Variants in PLCXD3 observed in about 807,000 individuals in gnomAD.
PLCXD3 encodes phosphatidylinositol specific phospholipase C X domain containing 3.
PLCXD3 carries 19 observed loss-of-function variants against 25.5 expected under a neutral mutation model. That is an observed-to-expected ratio of 0.75 (90% confidence interval 0.52 to 1.09). The LOEUF is 1.09. PLCXD3 is among the 50% of genes least tolerant of loss of function. The pLI is 0.00. For missense variants in PLCXD3, 411 were observed against 388.1 expected (o/e 1.06, Z -0.50); for synonymous variants, 174 against 137.6 (o/e 1.26, Z -1.85).
chr5:41,467,642 G>A (rs898929477), intron 1 of PLCXD3, among the ~76,000 whole-genome samples: 13 of 152,100 alleles, frequency 8.5e-5, no homozygotes, highest in Non-Finnish European at 1.8e-4. Context: ...TTAAATCAAT[G>A]TCATGAATAT....
chr5:41,392,218 G>A (rs1352719926), intron 1 of PLCXD3, among the ~76,000 whole-genome samples: 1 of 152,156 alleles, frequency 6.6e-6, no homozygotes, highest in Non-Finnish European at 1.5e-5. Context: ...TAGCCAAGGA[G>A]TGGTTACAGC....
chr5:41,447,083 C>T (rs888001027), intron 1 of PLCXD3, among the ~76,000 whole-genome samples: 1 of 152,224 alleles, frequency 6.6e-6, no homozygotes, highest in Admixed American at 6.5e-5. Context: ...GGTCAGAAAG[C>T]GTCATGAAGG....
chr5:41,484,843 G>A (rs1292244874), intron 1 of PLCXD3, among the ~76,000 whole-genome samples: 1 of 152,152 alleles, frequency 6.6e-6, no homozygotes, highest in Admixed American at 6.5e-5. Flanking sequence ...GTGCTAAATT[G>A]AGATTTGTTC....
intron 1 of PLCXD3, among the ~76,000 whole-genome samples, chr5:41,468,522 C>T (rs1431339476): frequency 1.3e-5 from 2 of 152,124 alleles, no homozygotes; most frequent in African/African-American, 4.8e-5. Context: ...GAGATCTCTT[C>T]ATTTATCTTT....
Position 41,314,390 on chromosome 5 carries a change from C to A in PLCXD3, c.813-620G>T, listed in dbSNP as rs1007104369. Among the ~76,000 whole-genome samples, 5 of 152,214 alleles carry A rather than the reference C, an allele frequency of 3.3e-5. No homozygotes were observed. The East Asian group carries it at 9.6e-4, about 29-fold the overall frequency. ...AAGTGAACAAAACAGATAAAAATATCTTTCCCTGTGGAGCTTACATTCTCA... is the reference window on the plus strand; with the variant it reads ...AAGTGAACAAAACAGATAAAAATATATTTCCCTGTGGAGCTTACATTCTCA... On this transcript the variant is annotated intron_variant, in intron 2 of 2. Coordinates refer to ENST00000377801, the MANE Select transcript of PLCXD3 (RefSeq NM_001005473.3).
At chr5:41,470,176 T>A (rs1748119030) in intron 1 of PLCXD3, among the ~76,000 whole-genome samples, 1 of 151,770 alleles carries the variant, frequency 6.6e-6, no homozygotes. Context: ...CAAAGGGGGG[T>A]GGCAGTTAAA....
intron 1 of PLCXD3, among the ~76,000 whole-genome samples, chr5:41,409,598 G>A (rs1350067408): frequency 6.6e-6 from 1 of 152,070 alleles, no homozygotes; most frequent in Non-Finnish European, 1.5e-5. Context: ...CTAGCTTCAA[G>A]TTTCATTTTA....
intron 1 of PLCXD3, among the ~76,000 whole-genome samples, chr5:41,430,974 T>C (rs1271915681): frequency 6.6e-6 from 1 of 152,190 alleles, no homozygotes; most frequent in Non-Finnish European, 1.5e-5. Context: ...AGCTGACCAA[T>C]TGGTCATCCT....
intron 2 of PLCXD3, among the ~76,000 whole-genome samples, chr5:41,322,877 G>A (rs1743516323): frequency 6.6e-6 from 1 of 152,002 alleles, no homozygotes; most frequent in South Asian, 2.1e-4. Flanking sequence ...AGGAGGCTGA[G>A]TCAGGGGAAT....
At chr5:41,472,149 T>C (rs1364470881) in intron 1 of PLCXD3, among the ~76,000 whole-genome samples, 1 of 151,692 alleles carries the variant, frequency 6.6e-6, no homozygotes, top group Non-Finnish European at 1.5e-5. Flanking sequence ...ATGTAATGAG[T>C]TCACAATTTA....
At position 41,393,827 on chromosome 5, in the gene PLCXD3, T is replaced by A. The variant is rs574548339; in HGVS notation, c.104-11293A>T. 4.6e-5 allele frequency among the ~76,000 whole-genome samples: 7 copies of A among 151,916 alleles called. No individual in the cohort carries two copies. In the South Asian group the frequency reaches 1.2e-3, roughly 27 times the overall value. On this transcript the variant is annotated intron_variant, in intron 1 of 2. Coordinates refer to ENST00000377801, the MANE Select transcript of PLCXD3 (RefSeq NM_001005473.3). Reference sequence around the variant, plus strand: ...CACCTGTAGTCCCAGCTACTTAGGATGCTGAGGCAGAAGGATGGTGTGAAC... The same window carrying A: ...CACCTGTAGTCCCAGCTACTTAGGAAGCTGAGGCAGAAGGATGGTGTGAAC...
At chr5:41,330,240 G>T (rs887554093) in intron 2 of PLCXD3, among the ~76,000 whole-genome samples, 1 of 151,900 alleles carries the variant, frequency 6.6e-6, no homozygotes, top group Non-Finnish European at 1.5e-5. Flanking sequence ...TCAAATAGAC[G>T]CAATAAAAAA....
chr5:41,510,523 C>T lies in PLCXD3; in HGVS notation c.4G>A (p.Ala2Thr), dbSNP rs1246637639. The change falls in exon 1 of 3, where the codon GCC (alanine) becomes ACC (threonine). Residue 2 changes from alanine to threonine, a missense_variant. By Grantham distance (58) the Ala-to-Thr change is moderately conservative (BLOSUM62 0). Transcript: ENST00000377801. M[A>T]SSQGKNELKL... Reference sequence around the variant, plus strand: ...AGCTCGTTTTTCCCCTGAGACGAGGCCATCGTGCCAGTCGGCGTGCAGCGC... The same window carrying T: ...AGCTCGTTTTTCCCCTGAGACGAGGTCATCGTGCCAGTCGGCGTGCAGCGC... 6.2e-7 allele frequency: 1 copy of T among 1,612,584 alleles called. No homozygotes were observed.
chr5:41,387,224 G>A lies in PLCXD3; in HGVS notation c.104-4690C>T, dbSNP rs548540448. Reference sequence around the variant, plus strand: ...GAGCTCCTACAACTCAAGAAACCACGTTCTGTGAACAACCAGCAAGCTTGC... The same window carrying A: ...GAGCTCCTACAACTCAAGAAACCACATTCTGTGAACAACCAGCAAGCTTGC... On this transcript the variant is annotated intron_variant, in intron 1 of 2. Transcript: ENST00000377801. Among the ~76,000 whole-genome samples, 7 of 152,140 alleles carry A rather than the reference G, an allele frequency of 4.6e-5. No individual in the cohort carries two copies. In the East Asian group the frequency reaches 9.7e-4, roughly 21 times the overall value.
At chr5:41,494,138 G>A (rs1408053805) in intron 1 of PLCXD3, among the ~76,000 whole-genome samples, 1 of 152,156 alleles carries the variant, frequency 6.6e-6, no homozygotes, top group Non-Finnish European at 1.5e-5. Flanking sequence ...TTGCTCTAAT[G>A]CCCAGGCTGA....
chr5:41,390,164 T>G (rs1288869523), intron 1 of PLCXD3, among the ~76,000 whole-genome samples: 2 of 152,206 alleles, frequency 1.3e-5, no homozygotes, highest in African/African-American at 4.8e-5. Flanking sequence ...ATTCATCCTA[T>G]ATTGTTGTAT....
intron 1 of PLCXD3, among the ~76,000 whole-genome samples, chr5:41,403,745 T>C (rs1746272158): frequency 7.2e-6 from 1 of 138,944 alleles, no homozygotes; most frequent in Admixed American, 7.5e-5. Flanking sequence ...CATCATTTTT[T>C]ATGGCTGCAT....
intron 2 of PLCXD3, among the ~76,000 whole-genome samples, chr5:41,352,211 G>A (rs139445269): frequency 4.6e-5 from 7 of 152,150 alleles, no homozygotes; most frequent in Non-Finnish European, 7.4e-5. Flanking sequence ...CACTTCATCC[G>A]GCCCTCCCCC....
chr5:41,379,565 G>A (rs1199745691), intron 2 of PLCXD3, among the ~76,000 whole-genome samples: 5 of 152,064 alleles, frequency 3.3e-5, no homozygotes, highest in Non-Finnish European at 7.4e-5. Flanking sequence ...TGGTAAAGGA[G>A]AAGATTCAGT....
Sources: allele counts gnomAD v4.1 joint callset (sites outside exome capture counted in the v4.1 genomes callset), GRCh38; gene constraint gnomAD v4.1.1; transcripts MANE v1.5; gene names NCBI Gene and HGNC (gene_info 2026-07-23, HGNC 2026-07-21).